ZNF615: variants seen among roughly 807,000 people sequenced by gnomAD.
ZNF615 encodes zinc finger protein 615.
ZNF615 carries 15 observed loss-of-function variants against 15.3 expected under a neutral mutation model. The observed-to-expected ratio is 0.98, with a 90% confidence interval of 0.66 to 1.51. The LOEUF (loss-of-function observed/expected upper bound fraction) is 1.51, where lower values mean the gene tolerates loss of function less well. Ranked by LOEUF, ZNF615 falls within the 40% of genes most tolerant of loss-of-function variation. The probability of loss-of-function intolerance (pLI) is 0.00; values close to 1 mark genes in which losing one functional copy is unlikely to be tolerated. For synonymous variants in ZNF615, 268 were observed against 294.6 expected, an observed-to-expected ratio of 0.91 and a Z score of 0.92; for missense variants, 848 against 895.9, an observed-to-expected ratio of 0.95 and a Z score of 0.68.
intron 3 of ZNF615, chr19:52,002,603 G>A (rs2086633159): frequency 7.3e-6 from 3 of 409,524 alleles, no homozygotes; most frequent in South Asian, 1.9e-5. Context: ...ACAAGTAGAC[G>A]AATAATTCAG....
intron 6 of ZNF615, among the ~76,000 whole-genome samples, chr19:51,999,074 A>C (rs954086055): frequency 1.6e-4 from 25 of 152,388 alleles, no homozygotes; most frequent in Middle Eastern, 3.4e-3. Context: ...AGCAATGAAT[A>C]ATCTGAAAAT....
rs2086799016 is a variant in ZNF615 at position 52,007,855 on chromosome 19, C to G, written c.-228+286G>C. On this transcript the variant is annotated intron_variant, in intron 1 of 6. Coordinates refer to ENST00000598071, the MANE Select transcript of ZNF615 (RefSeq NM_001199324.2). Reference sequence around the variant, plus strand: ...AAGACACCAGAATGTGACTTGGGCACTCAGTAGCGGATCTCTAGAGATCTT... The same window carrying G: ...AAGACACCAGAATGTGACTTGGGCAGTCAGTAGCGGATCTCTAGAGATCTT... 7.3e-6 allele frequency: 3 copies of G among 410,990 alleles called. No individual in the cohort carries two copies. The Admixed American group carries it at 1.2e-4, about 17-fold the overall frequency. 25.5% of individuals were successfully genotyped at this position (410,990 alleles called of 1,614,324 possible).
intron 6 of ZNF615, among the ~76,000 whole-genome samples, chr19:51,996,097 A>G (rs1356091973): frequency 6.6e-6 from 1 of 152,042 alleles, no homozygotes; most frequent in Non-Finnish European, 1.5e-5. Context: ...TCCAAAAATT[A>G]TATGGTTTCA....
rs753549897 is a variant in ZNF615, at chr19:51,992,945, T to C, written c.2164A>G (p.Ser722Gly). The change falls in exon 7 of 7, where the codon AGT becomes GGT. Residue 722 changes from serine to glycine, a missense_variant. Physicochemically the swap from Ser to Gly is moderately conservative, Grantham distance 56. Coordinates refer to ENST00000598071, the MANE Select transcript of ZNF615 (RefSeq NM_001199324.2). Reference protein sequence around the residue: ...KHTGERPYGCSDCGKAFAHLS... With the variant: ...KHTGERPYGCGDCGKAFAHLS... Reference sequence around the variant, plus strand: ...TGCGCAAAAGCTTTCCCACAATCACTACATCCATAGGGCCTCTCTCCTGTA... The same window carrying C: ...TGCGCAAAAGCTTTCCCACAATCACCACATCCATAGGGCCTCTCTCCTGTA... 2 of 1,614,200 alleles carry C rather than the reference T, an allele frequency of 1.2e-6. No individual in the cohort carries two copies. Among genetic ancestry groups the C allele is most frequent in the Admixed American group, 1.7e-5 (1 of 60,028 alleles).
At chr19:52,002,401 T>C (rs1170371202) in intron 3 of ZNF615, 120 bp from the exon 4 acceptor site, 1 of 1,399,748 alleles carries the variant, frequency 7.1e-7, no homozygotes, top group African/African-American at 1.4e-5. Flanking sequence ...TTTTTCTTAG[T>C]ACATTTTGAC....
Position 51,993,629 on chromosome 19 carries a change from G to C in ZNF615, c.1480C>G (p.Pro494Ala). The C allele has an allele frequency of 1.2e-6, 2 of 1,613,956 alleles. No homozygotes were observed. The highest frequency in any genetic ancestry group is 1.7e-5 in the Admixed American group (1 of 59,996). ...VHQRTHTAEK[P>A]YICNDCGKGF... ...TTTCCACAATCATTGCATATATATGGCTTCTCTGCAGTATGAGTTCGCTGA... is the reference window on the plus strand; with the variant it reads ...TTTCCACAATCATTGCATATATATGCCTTCTCTGCAGTATGAGTTCGCTGA... Residue 494 changes from proline (P) to alanine (A), a missense_variant, in exon 7 of 7, where the codon CCA (proline) becomes GCA (alanine). Physicochemically the swap from Pro to Ala is conservative, Grantham distance 27. Coordinates refer to ENST00000598071, the MANE Select transcript of ZNF615 (RefSeq NM_001199324.2).
chr19:52,001,483 T>TA (rs2086588741), intron 5 of ZNF615, among the ~76,000 whole-genome samples: 1 of 151,778 alleles, frequency 6.6e-6, no homozygotes, highest in African/African-American at 2.4e-5. Context: ...CTGGGCGTGG[T>TA]GGTACGCACC....
intron 6 of ZNF615, among the ~76,000 whole-genome samples, chr19:51,998,758 G>A (rs776568841): frequency 6.6e-6 from 1 of 152,078 alleles, no homozygotes; most frequent in African/African-American, 2.4e-5. Context: ...GGGTTCAGGC[G>A]ATTCTCCCAC....
In ZNF615 at chr19:51,991,844, T is replaced by A. The variant is rs2086242841; in HGVS notation, c.*1036A>T. On this transcript the variant is annotated 3_prime_UTR_variant, in exon 7 of 7. Coordinates refer to ENST00000598071, the MANE Select transcript of ZNF615 (RefSeq NM_001199324.2). ...CAGTATTGTAACAATTTCACTTTCC[T>A]GTATTTGGTAATGAACTATGCTTAT... 1 of 152,136 alleles carries A rather than the reference T, an allele frequency of 6.6e-6. No individual in the cohort carries two copies. Among genetic ancestry groups the A allele is most frequent in the African/African-American group, 2.4e-5 (1 of 41,404 alleles). 9.4% of individuals were successfully genotyped at this position (152,136 alleles called of 1,614,324 possible). A position where few individuals can be genotyped will look rare whatever the true frequency, so the allele number is the denominator to read the frequency against.
chr19:51,992,998 G>A lies in ZNF615; in HGVS notation c.2111C>T (p.Ser704Leu). The change falls in exon 7 of 7, where the codon TCA (serine) becomes TTA (leucine). Residue 704 changes from serine (S) to leucine (L), a missense_variant. Ser to Leu is a moderately radical substitution (Grantham distance 145, BLOSUM62 -2). Coordinates refer to ENST00000598071, the MANE Select transcript of ZNF615 (RefSeq NM_001199324.2). Reference protein sequence around the residue: ...SDCGKAFTTKSGLNVHQRKHT... With the variant: ...SDCGKAFTTKLGLNVHQRKHT... ...TTTTCTTTGATGAACATTGAGCCCT[G>A]ATTTTGTAGTGAAGGCTTTCCCGCA... 1 of 1,614,160 alleles carries A rather than the reference G, an allele frequency of 6.2e-7. No homozygotes were observed. Among genetic ancestry groups the A allele is most frequent in the Non-Finnish European group, 8.5e-7 (1 of 1,180,032 alleles).
intron 2 of ZNF615, chr19:52,004,816 A>G (rs2086702537): frequency 6.6e-6 from 1 of 152,200 alleles, no homozygotes; most frequent in Non-Finnish European, 1.5e-5. Context: ...CAAGCAAAAG[A>G]AAGATGACTC....
chr19:51,995,145 T>C (rs1031926708), intron 6 of ZNF615, among the ~76,000 whole-genome samples: 2 of 152,144 alleles, frequency 1.3e-5, no homozygotes, highest in African/African-American at 4.8e-5. Flanking sequence ...TGTATAAATA[T>C]CCCTCATCTC....
chr19:51,996,310 C>T (rs1219462399), intron 6 of ZNF615, among the ~76,000 whole-genome samples: 1 of 141,458 alleles, frequency 7.1e-6, no homozygotes, highest in Non-Finnish European at 1.5e-5. Flanking sequence ...CGCTTGAACC[C>T]AGGAGGTGGA....
At position 52,002,264 on chromosome 19, in the gene ZNF615, C is replaced by A. The variant is rs761543357; in HGVS notation, c.33G>T (p.Glu11Asp). The part of the protein sequence containing the change: MMQAQESLTL[E>D]DVAVDFTWEE... ...CCCAGGTGAAGTCCACAGCCACATCCTCCAGTGTTAGGGATTCCTGTAATA... is the reference window on the plus strand; with the variant it reads ...CCCAGGTGAAGTCCACAGCCACATCATCCAGTGTTAGGGATTCCTGTAATA... The change falls in exon 4 of 7, where the codon GAG (glutamate) becomes GAT (aspartate). Residue 11 changes from glutamate to aspartate, a missense_variant. Glu to Asp is a conservative substitution (Grantham distance 45, BLOSUM62 2). Coordinates refer to ENST00000598071, the MANE Select transcript of ZNF615 (RefSeq NM_001199324.2). The A allele has an allele frequency of 2.0e-5, 33 of 1,614,088 alleles. No individual in the cohort carries two copies. The highest frequency in any genetic ancestry group is 2.6e-5 in the Non-Finnish European group (31 of 1,180,044).
In ZNF615 at chr19:51,992,596, C is replaced by T. The variant is rs753980703; in HGVS notation, c.*284G>A. On this transcript the variant is annotated 3_prime_UTR_variant, in exon 7 of 7. Transcript: ENST00000598071. ...CGTTCCTATAATTATTACATTTCCA[C>T]GAATTAGTAGTTTATTCATGATCTA... is the stretch of plus-strand genomic sequence containing the variant. 14 of 304,806 alleles carry T rather than the reference C, an allele frequency of 4.6e-5. No homozygotes were observed. The highest frequency in any genetic ancestry group is 7.2e-5 in the Non-Finnish European group (12 of 165,704). The allele number at this position is 304,806 out of a possible 1,614,324, so 18.9% of individuals were successfully genotyped here.
At chr19:52,000,152 T>G (rs1012516392) in intron 6 of ZNF615, 194 bp downstream of exon 6, 5 of 401,408 alleles carry the variant, frequency 1.2e-5, no homozygotes, top group African/African-American at 2.1e-5. Context: ...TATTCTCACT[T>G]GTAGGCAAGA....
At chr19:51,997,952 T>A (rs1194238449) in intron 6 of ZNF615, among the ~76,000 whole-genome samples, 1 of 136,040 alleles carries the variant, frequency 7.4e-6, no homozygotes, top group African/African-American at 3.1e-5. Flanking sequence ...TTCTCCTGGA[T>A]TCTTCTTTCT....
rs1400785917 is a variant in ZNF615, at chr19:51,992,910, G to A, written c.2199C>T (p.Ile733=). 1 of 1,614,126 alleles carries A rather than the reference G, an allele frequency of 6.2e-7. No homozygotes were observed. Residue 733 remains isoleucine (I), a synonymous_variant, in exon 7 of 7, where the codon ATC becomes ATT. Transcript: ENST00000598071. ...DCGKAFAHLS[I]LVKHRRIHR is the part of the protein sequence containing the mutation. Reference sequence around the variant, plus strand: ...TGTGAATTCTCCTGTGTTTAACAAGGATAGACAAGTGCGCAAAAGCTTTCC... The same window carrying A: ...TGTGAATTCTCCTGTGTTTAACAAGAATAGACAAGTGCGCAAAAGCTTTCC...
At chr19:52,002,386 G>A (rs2086625254) in intron 3 of ZNF615, 105 bp from the exon 4 acceptor site, 2 of 1,523,216 alleles carry the variant, frequency 1.3e-6, no homozygotes, top group Admixed American at 3.6e-5. Context: ...GAAGCTGGTG[G>A]GGTTTTTTTC....
Sources: gnomAD v4.1 joint callset for allele counts (sites outside exome capture counted in the v4.1 genomes callset) on GRCh38, gnomAD v4.1.1 for gene constraint, MANE v1.5 for transcripts, NCBI Gene and HGNC (gene_info 2026-07-23, HGNC 2026-07-21) for gene names.